HCN1: variants seen among roughly 807,000 people sequenced by gnomAD.
HCN1 encodes the protein potassium/sodium hyperpolarization-activated cyclic nucleotide-gated channel 1.
A neutral mutation model predicts 78.9 loss-of-function variants in HCN1; 13 were observed. The ratio of observed to expected loss-of-function variants is 0.16; its 90% CI spans 0.11 to 0.26. HCN1 has a LOEUF of 0.26. Among genes scored for constraint, HCN1 ranks in the 10% least tolerant of loss-of-function variants. HCN1 has a pLI of 1.00. For synonymous variants in HCN1, 552 were observed against 455.5 expected, an observed-to-expected ratio of 1.21 and a Z score of -2.70; for missense variants, 810 against 1,154.3, an observed-to-expected ratio of 0.70 and a Z score of 4.32.
intron 3 of HCN1, among the ~76,000 whole-genome samples, chr5:45,428,991 G>A (rs1484669549): frequency 2.0e-5 from 3 of 152,082 alleles, no homozygotes; most frequent in African/African-American, 4.8e-5. Context: ...TAATAGTAAT[G>A]TTAGCCAGGA....
rs904716203 is a variant in HCN1, at chr5:45,258,821, A to G, written c.*3100T>C. 6.6e-6 allele frequency: 1 copy of G among 152,026 alleles called. No homozygotes were observed. The highest frequency in any genetic ancestry group is 2.1e-4 in the South Asian group (1 of 4,830). The allele number at this position is 152,026 out of a possible 1,614,324, so 9.4% of individuals were successfully genotyped here. Reference sequence around the variant, plus strand: ...TATTATAACAAAATAGGTATGTTATAAAACTATTATAACAAAATAGGTATG... The same window carrying G: ...TATTATAACAAAATAGGTATGTTATGAAACTATTATAACAAAATAGGTATG... On this transcript the variant is annotated 3_prime_UTR_variant, in exon 8 of 8. Transcript: ENST00000303230.
intron 2 of HCN1, among the ~76,000 whole-genome samples, chr5:45,602,638 G>T (rs893562995): frequency 3.9e-5 from 6 of 152,056 alleles, no homozygotes; most frequent in African/African-American, 1.4e-4. Context: ...GTACTTCTAT[G>T]ATTGCTGACC....
intron 2 of HCN1, among the ~76,000 whole-genome samples, chr5:45,500,103 C>A (rs959840918): frequency 6.6e-6 from 1 of 151,878 alleles, no homozygotes; most frequent in Non-Finnish European, 1.5e-5. Context: ...GAAAATTATA[C>A]CATGGATGTT....
In HCN1 at chr5:45,387,504, G is replaced by A. The variant is rs182882748; in HGVS notation, c.1230+8988C>T. On this transcript the variant is annotated intron_variant, in intron 4 of 7. Transcript: ENST00000303230. Reference sequence around the variant, plus strand: ...CAGTGATATCTTTGTTAATAAAGAGGATACATTTAACTAATGTTTTACTTA... The same window carrying A: ...CAGTGATATCTTTGTTAATAAAGAGAATACATTTAACTAATGTTTTACTTA... Among the ~76,000 whole-genome samples, 221 of 151,792 alleles carry A rather than the reference G, an allele frequency of 1.5e-3. 3 individuals carry two copies. The highest frequency in any genetic ancestry group is 0.01 in the Middle Eastern group (3 of 290).
chr5:45,402,030 T>G (rs1000377703), intron 3 of HCN1, among the ~76,000 whole-genome samples: 9 of 151,726 alleles, frequency 5.9e-5, no homozygotes, highest in African/African-American at 1.9e-4. Flanking sequence ...TGATGGGGAG[T>G]AGGAGTATTT....
chr5:45,535,207 T>A (rs1742940888), intron 2 of HCN1, among the ~76,000 whole-genome samples: 1 of 152,204 alleles, frequency 6.6e-6, no homozygotes, highest in Non-Finnish European at 1.5e-5. Flanking sequence ...GACTATCTTA[T>A]AACACAAACA....
intron 3 of HCN1, among the ~76,000 whole-genome samples, chr5:45,416,280 T>C (rs1181327814): frequency 6.6e-6 from 1 of 151,960 alleles, no homozygotes; most frequent in Middle Eastern, 3.2e-3. Context: ...CACTCCTCAC[T>C]TGATTTACTC....
intron 5 of HCN1, among the ~76,000 whole-genome samples, chr5:45,307,046 A>G (rs1241603508): frequency 1.3e-5 from 2 of 152,144 alleles, no homozygotes; most frequent in South Asian, 4.1e-4. Context: ...GAAACAGAAC[A>G]AGAACCCCAC....
intron 2 of HCN1, among the ~76,000 whole-genome samples, chr5:45,515,003 C>G (rs957343721): frequency 6.6e-6 from 1 of 151,756 alleles, no homozygotes; most frequent in African/African-American, 2.4e-5. Flanking sequence ...TGGTAATATG[C>G]TTTCTTATTT....
At chr5:45,311,319 G>C (rs1416485650) in intron 5 of HCN1, among the ~76,000 whole-genome samples, 2 of 152,068 alleles carry the variant, frequency 1.3e-5, no homozygotes, top group Non-Finnish European at 2.9e-5. Flanking sequence ...GCATCAATAT[G>C]GTTTTTATTT....
intron 6 of HCN1, among the ~76,000 whole-genome samples, chr5:45,295,360 G>T (rs1467386765): frequency 6.6e-6 from 1 of 151,826 alleles, no homozygotes; most frequent in Non-Finnish European, 1.5e-5. Context: ...AGTATGAGTG[G>T]CATGGTACTT....
At chr5:45,293,236 T>C (rs537109015) in intron 6 of HCN1, among the ~76,000 whole-genome samples, 1 of 152,140 alleles carries the variant, frequency 6.6e-6, no homozygotes, top group African/African-American at 2.4e-5. Context: ...TGTTCCTTCT[T>C]CTCCACAACC....
chr5:45,695,799 T>G lies in HCN1; in HGVS notation c.295A>C (p.Thr99Pro), dbSNP rs779325604. 6.2e-7 allele frequency: 1 copy of G among 1,610,460 alleles called. No homozygotes were observed. Among genetic ancestry groups the G allele is most frequent in the Non-Finnish European group, 8.5e-7 (1 of 1,179,428 alleles). ...RQYGFMQRQFTSMLQPGVNKF... is the reference protein window; with the variant it reads ...RQYGFMQRQFPSMLQPGVNKF... The stretch of plus-strand genomic sequence containing the variant: ...TTGACCCCGGGCTGCAGCATGGAGG[T>G]GAACTGCCTCTGCATGAAGCCGTAC... The change falls in exon 1 of 8, where the codon ACC becomes CCC. Residue 99 changes from threonine (T) to proline (P), a missense_variant. By Grantham distance (38) the Thr-to-Pro change is conservative. This residue lies in a region of HCN1 where 170 missense variants were observed against 166.8 expected (regional missense o/e 1.02). Coordinates refer to ENST00000303230, the MANE Select transcript of HCN1 (RefSeq NM_021072.4).
intron 3 of HCN1, among the ~76,000 whole-genome samples, chr5:45,452,082 G>GT (rs1740930529): frequency 6.6e-6 from 1 of 150,994 alleles, no homozygotes; most frequent in Admixed American, 6.6e-5. Flanking sequence ...ACTGCTATAT[G>GT]TTTTTTGTAA....
At chr5:45,387,263 C>T (rs774637840) in intron 4 of HCN1, among the ~76,000 whole-genome samples, 14 of 151,910 alleles carry the variant, frequency 9.2e-5, no homozygotes, top group Non-Finnish European at 1.6e-4. Flanking sequence ...ATTTTGACTT[C>T]AGAAAGTAAA....
At chr5:45,522,822 C>T (rs554619449) in intron 2 of HCN1, among the ~76,000 whole-genome samples, 241 of 151,790 alleles carry the variant, frequency 1.6e-3, no homozygotes, top group African/African-American at 5.6e-3. Context: ...TACATATTGT[C>T]CAAGTCTGCT....
intron 5 of HCN1, among the ~76,000 whole-genome samples, chr5:45,305,202 A>G (rs1051920049): frequency 2.6e-5 from 4 of 152,154 alleles, no homozygotes; most frequent in Admixed American, 6.5e-5. Context: ...ATACCGACCC[A>G]TCAATTCCAA....
intron 2 of HCN1, among the ~76,000 whole-genome samples, chr5:45,488,098 CTT>C (rs1430164177): frequency 1.3e-5 from 2 of 152,048 alleles, no homozygotes; most frequent in East Asian, 3.9e-4. Context: ...TTGTTCAAGT[CTT>C]GGCTCAAATT....
At chr5:45,555,020 G>T (rs572309530) in intron 2 of HCN1, among the ~76,000 whole-genome samples, 1 of 151,728 alleles carries the variant, frequency 6.6e-6, no homozygotes, top group East Asian at 1.9e-4. Context: ...CACACCCAAA[G>T]CAAAATATTC....
Sources: allele counts gnomAD v4.1 joint callset (sites outside exome capture counted in the v4.1 genomes callset), GRCh38; gene constraint gnomAD v4.1.1; regional missense constraint gnomAD v4.1.1; transcripts MANE v1.5; gene names NCBI Gene and HGNC (gene_info 2026-07-23, HGNC 2026-07-21).